Variants in PLSCR2 observed in about 807,000 individuals in gnomAD.
PLSCR2 encodes PL scramblase 2.
In PLSCR2, 18 loss-of-function variants were observed where a neutral mutation model predicts 25.3. That is an observed-to-expected ratio of 0.71 (90% CI 0.49 to 1.06). The LOEUF (loss-of-function observed/expected upper bound fraction) is 1.06. Ranked by LOEUF, PLSCR2 falls within the 50% of genes least tolerant of loss-of-function variation. The probability of loss-of-function intolerance (pLI) is 0.00; values close to 1 mark genes in which losing one functional copy is unlikely to be tolerated. For missense variants in PLSCR2, 243 were observed against 269.5 expected, an observed-to-expected ratio of 0.90 and a Z score of 0.69; for synonymous variants, 88 against 87.3, an observed-to-expected ratio of 1.01 and a Z score of -0.04.
chr3:146,429,321 T>C (rs1389287027), downstream of PLSCR2, among the ~76,000 whole-genome samples: 1 of 152,194 alleles, frequency 6.6e-6, no homozygotes, highest in Non-Finnish European at 1.5e-5. Flanking sequence ...ACTTGCTCAG[T>C]GGCTGTGACC....
rs112336045 is a variant in PLSCR2 at position 146,483,155 on chromosome 3, T to C, written c.-293+12740A>G. On this transcript the variant is annotated intron_variant, in intron 1 of 8. Coordinates refer to the PLSCR2 transcript ENST00000336685. ...ATCTACCCATCTGACAAAGGGCTAA[T>C]ATCCAGAATCTACAAAGAACTTAAA... 1.1e-3 allele frequency among the ~76,000 whole-genome samples: 163 copies of C among 151,480 alleles called. No individual in the cohort carries two copies. In the Middle Eastern group the frequency reaches 0.027, roughly 25 times the overall value.
intron 5 of PLSCR2, among the ~76,000 whole-genome samples, chr3:146,453,133 C>T (rs1047588937): frequency 7.2e-5 from 11 of 151,874 alleles, no homozygotes; most frequent in Admixed American, 3.9e-4. Flanking sequence ...AATTAAAAAT[C>T]ATATTATTAG....
intron 2 of PLSCR2, among the ~76,000 whole-genome samples, chr3:146,428,192 G>A (rs1337642220): frequency 1.3e-5 from 2 of 152,070 alleles, no homozygotes; most frequent in Admixed American, 1.3e-4. Context: ...GAATTTATCT[G>A]GATTATCTCT....
rs186748801 is a variant in PLSCR2, at chr3:146,457,964, T to C, written c.100+447A>G. 2.6e-5 allele frequency among the ~76,000 whole-genome samples: 4 copies of C among 152,258 alleles called. No homozygotes were observed. The East Asian group carries it at 7.7e-4, about 29-fold the overall frequency. On this transcript the variant is annotated intron_variant, in intron 3 of 6. Transcript: ENST00000610787. Reference sequence around the variant, plus strand: ...TCCTAGGCTACTCAAGTCCCTGATATAAAATGGCGTGGTGTTTGTATAGAA... The same window carrying C: ...TCCTAGGCTACTCAAGTCCCTGATACAAAATGGCGTGGTGTTTGTATAGAA...
At chr3:146,404,615 C>T (rs887287779) in intron 2 of PLSCR2, among the ~76,000 whole-genome samples, 5 of 152,150 alleles carry the variant, frequency 3.3e-5, no homozygotes, top group African/African-American at 1.2e-4. Context: ...ACCCAATAGT[C>T]TCAAAGCATC....
intron 1 of PLSCR2, among the ~76,000 whole-genome samples, chr3:146,479,888 C>G (rs1226413249): frequency 6.6e-6 from 1 of 152,198 alleles, no homozygotes; most frequent in African/African-American, 2.4e-5. Context: ...CCAACTGTCT[C>G]TCAGACCACA....
exon 7 of PLSCR2, chr3:146,441,819 G>C (rs1277667922): frequency 6.3e-7 from 1 of 1,583,684 alleles, no homozygotes; most frequent in Non-Finnish European, 8.6e-7. Flanking sequence ...AAAACATGTA[G>C]TCCTGGATAA....
intron 2 of PLSCR2, among the ~76,000 whole-genome samples, chr3:146,421,796 C>A (rs1393221384): frequency 6.6e-6 from 1 of 152,100 alleles, no homozygotes; most frequent in Non-Finnish European, 1.5e-5. Flanking sequence ...AAATGGGGAC[C>A]TTTGGGCCAA....
At chr3:146,423,159 C>T (rs1275389284) in intron 2 of PLSCR2, among the ~76,000 whole-genome samples, 1 of 150,078 alleles carries the variant, frequency 6.7e-6, no homozygotes, top group Non-Finnish European at 1.5e-5. Flanking sequence ...ATTCTTATGT[C>T]CTTACACTAT....
chr3:146,459,156 G>A (rs551640054), intron 2 of PLSCR2, among the ~76,000 whole-genome samples: 3 of 152,088 alleles, frequency 2.0e-5, no homozygotes, highest in South Asian at 2.1e-4. Flanking sequence ...CAAAATCCAG[G>A]ACATTTTTTT....
At chr3:146,451,569 A>C (rs2040897872) in intron 5 of PLSCR2, among the ~76,000 whole-genome samples, 1 of 152,124 alleles carries the variant, frequency 6.6e-6, no homozygotes, top group African/African-American at 2.4e-5. Context: ...TCTAAGCAAT[A>C]AATCTTTTAT....
rs758576585 is a variant in PLSCR2, at chr3:146,423,282, T to TCTCTCTCCCC, written c.101-27362_101-27361insGGGGAGAGAG. ...CTCTCTCTCTCTCTCTCTCTCTCTC[T>TCTCTCTCCCC]CCCTGGCTAGATTCTCACAAGAAAC... On this transcript the variant is annotated intron_variant and NMD_transcript_variant, in intron 2 of 3. Coordinates refer to the PLSCR2 transcript ENST00000463633. Among the ~76,000 whole-genome samples the TCTCTCTCCCC allele has an allele frequency of 2.9e-4, 29 of 101,004 alleles. 1 individual carries two copies. The highest frequency in any genetic ancestry group is 5.0e-4 in the Non-Finnish European group (25 of 50,486). The allele number at this position is 101,004 out of a possible 152,430, so 66.3% of individuals were successfully genotyped here.
intron 6 of PLSCR2, among the ~76,000 whole-genome samples, chr3:146,447,141 C>T (rs376263724): frequency 4.6e-5 from 7 of 152,298 alleles, no homozygotes; most frequent in African/African-American, 1.7e-4. Flanking sequence ...CCAGGAGCCA[C>T]GGCCTGGAAC....
intron 1 of PLSCR2, among the ~76,000 whole-genome samples, chr3:146,485,776 T>A (rs2043318418): frequency 6.6e-6 from 1 of 152,022 alleles, no homozygotes; most frequent in African/African-American, 2.4e-5. Context: ...ATAAAAGAGG[T>A]TTAATTGGAC....
chr3:146,444,599 C>T (rs1473987920), intron 6 of PLSCR2, among the ~76,000 whole-genome samples: 1 of 151,460 alleles, frequency 6.6e-6, no homozygotes, highest in African/African-American at 2.4e-5. Context: ...CTTCATTTTC[C>T]TGGAATTTTT....
upstream of PLSCR2, among the ~76,000 whole-genome samples, chr3:146,462,449 TTTTTC>T (rs772979617): frequency 4.2e-5 from 6 of 141,894 alleles, no homozygotes; most frequent in African/African-American, 1.6e-4. Context: ...TTCTTTTTTC[TTTTTC>T]TTTTCTTTTC....
chr3:146,466,372 T>C (rs2041870376), intron 1 of PLSCR2, among the ~76,000 whole-genome samples: 1 of 152,206 alleles, frequency 6.6e-6, no homozygotes, highest in African/African-American at 2.4e-5. Context: ...GATTTTCCCA[T>C]GTTGGCCAGG....
chr3:146,469,729 G>A (rs2042035578), intron 1 of PLSCR2, 168 bp from the exon 1 acceptor site: 1 of 263,478 alleles, frequency 3.8e-6, no homozygotes, highest in Admixed American at 6.5e-5. Flanking sequence ...GGGCTCAGAG[G>A]ATCCGGCTTT....
chr3:146,444,240 C>T (rs188236507), intron 6 of PLSCR2, among the ~76,000 whole-genome samples: 1 of 151,998 alleles, frequency 6.6e-6, no homozygotes, highest in Admixed American at 6.5e-5. Flanking sequence ...ATTCTATAAA[C>T]GTTGGATTAA....
Sources: gnomAD v4.1 joint callset for allele counts (sites outside exome capture counted in the v4.1 genomes callset) on GRCh38, gnomAD v4.1.1 for gene constraint, MANE v1.5 for transcripts, NCBI Gene and HGNC (gene_info 2026-07-23, HGNC 2026-07-21) for gene names.